STX12: variants seen among roughly 807,000 people sequenced by gnomAD.
STX12 encodes the protein syntaxin 12, also known as syntaxin-12.
Under a neutral mutation model 42.2 loss-of-function variants are expected in STX12, and 17 were observed. That is an observed-to-expected ratio of 0.40 (90% CI 0.28 to 0.60). The LOEUF (loss-of-function observed/expected upper bound fraction) is 0.60. Ranked by LOEUF, STX12 falls within the 20% of genes least tolerant of loss-of-function variation. STX12 has a pLI of 0.39. For synonymous variants in STX12, 108 were observed against 116.7 expected, an observed-to-expected ratio of 0.93 and a Z score of 0.48; for missense variants, 297 against 330.9, an observed-to-expected ratio of 0.90 and a Z score of 0.79.
chr1:27,805,615 T>A (rs2088858394), intron 4 of STX12, among the ~76,000 whole-genome samples: 1 of 152,190 alleles, frequency 6.6e-6, no homozygotes, highest in South Asian at 2.1e-4. Flanking sequence ...TATACTTTCA[T>A]ATGTTTTCAT....
At chr1:27,817,690 A>G (rs190159470) in intron 6 of STX12, among the ~76,000 whole-genome samples, 161 bp from the exon 7 acceptor site, 2 of 152,288 alleles carry the variant, frequency 1.3e-5, no homozygotes, top group African/African-American at 4.8e-5. Context: ...GTTTTACAAT[A>G]TTGGGTAGGC....
chr1:27,802,813 T>C (rs2088836011), intron 4 of STX12, among the ~76,000 whole-genome samples: 1 of 152,160 alleles, frequency 6.6e-6, no homozygotes, highest in African/African-American at 2.4e-5. Context: ...AAGTGAAATA[T>C]ACCTACAAAG....
chr1:27,810,419 C>A, intron 5 of STX12, 130 bp downstream of exon 5: 1 of 778,238 alleles, frequency 1.3e-6, no homozygotes, highest in Non-Finnish European at 2.0e-6. Flanking sequence ...ATAACATAAT[C>A]CACAGAATAA....
At chr1:27,818,715 C>T (rs1484099962) in intron 7 of STX12, among the ~76,000 whole-genome samples, 2 of 151,942 alleles carry the variant, frequency 1.3e-5, no homozygotes, top group Admixed American at 6.5e-5. Context: ...CCACAACCTC[C>T]GCCTCCTGGG....
At chr1:27,783,451 A>G (rs769720921) in intron 1 of STX12, among the ~76,000 whole-genome samples, 8 of 152,156 alleles carry the variant, frequency 5.3e-5, no homozygotes, top group Non-Finnish European at 1.2e-4. Flanking sequence ...CTTCTGCCTC[A>G]GCCTTCTGAG....
intron 8 of STX12, among the ~76,000 whole-genome samples, chr1:27,821,210 G>A (rs1014735475): frequency 2.0e-5 from 3 of 151,042 alleles, no homozygotes; most frequent in Non-Finnish European, 4.4e-5. Flanking sequence ...GTTGTTTTCC[G>A]TGTTCCTGGG....
At chr1:27,784,235 T>C (rs2088686514) in intron 1 of STX12, among the ~76,000 whole-genome samples, 1 of 152,146 alleles carries the variant, frequency 6.6e-6, no homozygotes, top group Non-Finnish European at 1.5e-5. Flanking sequence ...TGTCTATTTA[T>C]TTTGAGACAG....
In STX12 at chr1:27,824,032, C is replaced by G. The variant is rs756821431; in HGVS notation, c.*1703C>G. ...ACGTCTGAGCCCAAGAGTTCAAGAT[C>G]AGCCTGGGCAGTATAGCAAGACCCC... On this transcript the variant is annotated 3_prime_UTR_variant, in exon 9 of 9. Coordinates refer to ENST00000373943, the MANE Select transcript of STX12 (RefSeq NM_177424.3). 3 of 151,824 alleles carry G rather than the reference C, an allele frequency of 2.0e-5. No homozygotes were observed. The highest frequency in any genetic ancestry group is 4.4e-5 in the Non-Finnish European group (3 of 67,988). 9.4% of individuals were successfully genotyped at this position (151,824 alleles called of 1,614,324 possible).
At chr1:27,800,488 GGTGTGTGTGTGTGTGT>G (rs57488710) in intron 3 of STX12, among the ~76,000 whole-genome samples, 41 of 140,988 alleles carry the variant, frequency 2.9e-4, no homozygotes, top group East Asian at 1.2e-3. Flanking sequence ...GTCAGTATGT[GGTGTGTGTGTGTGTGT>G]GTGTGTGTGT....
intron 4 of STX12, among the ~76,000 whole-genome samples, chr1:27,809,684 T>C (rs1220099188): frequency 6.6e-6 from 1 of 152,004 alleles, no homozygotes; most frequent in Non-Finnish European, 1.5e-5. Context: ...GGTCTTGAAC[T>C]CCTGACCTTG....
intron 1 of STX12, among the ~76,000 whole-genome samples, chr1:27,786,522 C>A (rs2088700104): frequency 6.6e-6 from 1 of 152,236 alleles, no homozygotes; most frequent in African/African-American, 2.4e-5. Flanking sequence ...TCAGCTTTTA[C>A]CTGAATTTAT....
intron 3 of STX12, among the ~76,000 whole-genome samples, chr1:27,796,781 C>A (rs888871397): frequency 6.6e-6 from 1 of 151,682 alleles, no homozygotes; most frequent in South Asian, 2.1e-4. Context: ...TCTCGGCTCA[C>A]CACAACTTCC....
At chr1:27,797,572 A>C (rs2088795862) in intron 3 of STX12, among the ~76,000 whole-genome samples, 1 of 152,108 alleles carries the variant, frequency 6.6e-6, no homozygotes, top group Non-Finnish European at 1.5e-5. Context: ...CTTTCTCCTT[A>C]GGAGTCACCT....
intron 6 of STX12, among the ~76,000 whole-genome samples, chr1:27,817,194 G>A (rs2088950263): frequency 1.3e-5 from 2 of 152,326 alleles, no homozygotes; most frequent in East Asian, 3.9e-4. Flanking sequence ...AGGAAAACAA[G>A]CTGCAGTTCA....
intron 8 of STX12, among the ~76,000 whole-genome samples, chr1:27,821,931 T>C (rs947036578): frequency 6.6e-6 from 1 of 151,914 alleles, no homozygotes; most frequent in Non-Finnish European, 1.5e-5. Flanking sequence ...GACATTAGAA[T>C]CACTTGAACC....
At chr1:27,813,481 AT>A (rs780975380) in intron 6 of STX12, among the ~76,000 whole-genome samples, 2 of 152,150 alleles carry the variant, frequency 1.3e-5, no homozygotes, top group African/African-American at 2.4e-5. Context: ...CAGCTAAAAT[AT>A]CCTTAAACCT....
chr1:27,823,535 T>C lies in STX12; in HGVS notation c.*1206T>C, dbSNP rs1158041698. 1 of 152,662 alleles carries C rather than the reference T, an allele frequency of 6.6e-6. No individual in the cohort carries two copies. The highest frequency in any genetic ancestry group is 1.5e-5 in the Non-Finnish European group (1 of 68,046). The allele number at this position is 152,662 out of a possible 1,614,324, so 9.5% of individuals were successfully genotyped here. A position where few individuals can be genotyped will look rare whatever the true frequency, so the allele number is the denominator to read the frequency against. On this transcript the variant is annotated 3_prime_UTR_variant, in exon 9 of 9. Transcript: ENST00000373943. ...GAACAGTTAAAGGGAACATAATTTG[T>C]TTAGGCTCCCACATAAATGTGAATC...
chr1:27,780,789 C>G (rs12088505), intron 1 of STX12, among the ~76,000 whole-genome samples: 1 of 151,348 alleles, frequency 6.6e-6, no homozygotes, highest in Non-Finnish European at 1.5e-5. Context: ...CTGGCTCTAC[C>G]AAAAATACAA....
chr1:27,799,462 C>A (rs1032640136), intron 3 of STX12, among the ~76,000 whole-genome samples: 12 of 145,036 alleles, frequency 8.3e-5, no homozygotes, highest in African/African-American at 3.4e-4. Context: ...GGTTGAACCC[C>A]AAACTCATTA....
Sources: gnomAD v4.1 joint callset for allele counts (sites outside exome capture counted in the v4.1 genomes callset) on GRCh38, gnomAD v4.1.1 for gene constraint, MANE v1.5 for transcripts, NCBI Gene and HGNC (gene_info 2026-07-23, HGNC 2026-07-21) for gene names.